The following CNTNAP5 variants were observed in gnomAD, a reference collection of about 807,000 sequenced individuals.
The protein encoded by CNTNAP5 is contactin-associated protein-like 5.
CNTNAP5 carries 72 observed loss-of-function variants against 150.2 expected under a neutral mutation model. That is an observed-to-expected ratio of 0.48 (90% confidence interval 0.40 to 0.58). The LOEUF is 0.58. CNTNAP5 is among the 20% of genes least tolerant of loss of function. The probability of loss-of-function intolerance (pLI) is 0.00; values close to 1 mark genes in which losing one functional copy is unlikely to be tolerated. For missense variants in CNTNAP5, 1,636 were observed against 1,626.2 expected (o/e 1.01, Z -0.10); for synonymous variants, 672 against 619.8 (o/e 1.08, Z -1.25).
chr2:124,075,804 A>G (rs1682423015), intron 1 of CNTNAP5, among the ~76,000 whole-genome samples: 1 of 152,176 alleles, frequency 6.6e-6, no homozygotes. Context: ...CATGCTGTGC[A>G]TCTCTTATGT....
chr2:124,139,624 G>C (rs140284625), intron 1 of CNTNAP5, among the ~76,000 whole-genome samples: 1 of 152,188 alleles, frequency 6.6e-6, no homozygotes, highest in Admixed American at 6.5e-5. Context: ...TCCAGAGACC[G>C]GCGAAGGAGA....
intron 10 of CNTNAP5, among the ~76,000 whole-genome samples, chr2:124,559,653 T>C (rs939249646): frequency 8.5e-5 from 13 of 152,244 alleles, no homozygotes; most frequent in African/African-American, 2.9e-4. Flanking sequence ...CCCAGTTCTA[T>C]GATGGGTCTT....
At chr2:124,260,212 CACATATCT>C (rs955602976) in intron 3 of CNTNAP5, among the ~76,000 whole-genome samples, 1 of 152,090 alleles carries the variant, frequency 6.6e-6, no homozygotes, top group Non-Finnish European at 1.5e-5. Context: ...GAAATAATGC[CACATATCT>C]ACAAATCTCT....
intron 4 of CNTNAP5, among the ~76,000 whole-genome samples, chr2:124,419,153 A>AAAAAAAAAAAAAAAAAAAAAAAAAAAAC (rs1553466545): frequency 3.9e-5 from 3 of 76,392 alleles, no homozygotes; most frequent in Non-Finnish European, 5.3e-5. Context: ...AAAAAAAAAA[A>AAAAAAAAAAAAAAAAAAAAAAAAAAAAC]AAAAAAAAAA....
chr2:124,678,039 C>A (rs931020533), intron 13 of CNTNAP5, among the ~76,000 whole-genome samples: 10 of 151,832 alleles, frequency 6.6e-5, no homozygotes, highest in African/African-American at 2.4e-4. Flanking sequence ...TAAGTCTCTG[C>A]CTTTTTGTTT....
At chr2:124,153,603 CTTTTTTTTTT>C (rs948493792) in intron 1 of CNTNAP5, among the ~76,000 whole-genome samples, 5 of 85,096 alleles carry the variant, frequency 5.9e-5, no homozygotes, top group East Asian at 3.8e-4. Context: ...CCCCCCGGGA[CTTTTTTTTTT>C]TTTTTTTTTT....
At chr2:124,386,097 C>T (rs550544942) in intron 3 of CNTNAP5, among the ~76,000 whole-genome samples, 19 of 152,262 alleles carry the variant, frequency 1.2e-4, no homozygotes, top group African/African-American at 3.6e-4. Context: ...AGCTGCATTT[C>T]CTGTGGAGTG....
chr2:124,071,336 A>G (rs1246681585), intron 1 of CNTNAP5, among the ~76,000 whole-genome samples: 1 of 151,948 alleles, frequency 6.6e-6, no homozygotes, highest in African/African-American at 2.4e-5. Context: ...AAATTAGTAA[A>G]ATAAATAATA....
At chr2:124,315,783 TC>T (rs1268244896) in intron 3 of CNTNAP5, among the ~76,000 whole-genome samples, 2 of 152,196 alleles carry the variant, frequency 1.3e-5, no homozygotes, top group African/African-American at 4.8e-5. Context: ...TTGAAAAAAA[TC>T]TACCCCTCAT....
intron 1 of CNTNAP5, among the ~76,000 whole-genome samples, chr2:124,215,483 A>T (rs1488646298): frequency 6.6e-6 from 1 of 152,212 alleles, no homozygotes; most frequent in Non-Finnish European, 1.5e-5. Flanking sequence ...GAAGACCTTC[A>T]GTATTTAACT....
At chr2:124,402,342 G>A (rs769808441) in intron 3 of CNTNAP5, among the ~76,000 whole-genome samples, 1 of 152,142 alleles carries the variant, frequency 6.6e-6, no homozygotes, top group Non-Finnish European at 1.5e-5. Context: ...TACTGCCAGA[G>A]ACAGAGGCAT....
intron 2 of CNTNAP5, among the ~76,000 whole-genome samples, chr2:124,241,232 T>A (rs997512865): frequency 2.6e-5 from 4 of 152,182 alleles, no homozygotes; most frequent in Non-Finnish European, 5.9e-5. Context: ...CTCACATTGA[T>A]CTTCTGCAAA....
intron 21 of CNTNAP5, among the ~76,000 whole-genome samples, chr2:124,897,973 GT>G: frequency 7.9e-6 from 1 of 126,430 alleles, no homozygotes; most frequent in East Asian, 2.0e-4. Flanking sequence ...GTGTGTGTGT[GT>G]GTGTATGTGT....
At chr2:124,407,123 GT>G (rs1340055689) in intron 3 of CNTNAP5, among the ~76,000 whole-genome samples, 2 of 152,068 alleles carry the variant, frequency 1.3e-5, no homozygotes, top group Admixed American at 1.3e-4. Flanking sequence ...TATCTTTGCT[GT>G]TGTAAGTAGT....
At chr2:124,213,324 C>A (rs948420127) in intron 1 of CNTNAP5, among the ~76,000 whole-genome samples, 16 of 152,038 alleles carry the variant, frequency 1.1e-4, no homozygotes, top group East Asian at 3.9e-4. Flanking sequence ...ATGGAAAAGA[C>A]CATTGCAAAA....
At chr2:124,034,092 C>T (rs1311215025) in intron 1 of CNTNAP5, among the ~76,000 whole-genome samples, 1 of 152,078 alleles carries the variant, frequency 6.6e-6, no homozygotes, top group Non-Finnish European at 1.5e-5. Context: ...GCCAAAAGTA[C>T]AGTAGATGGC....
At chr2:124,513,577 C>T (rs146920307) in intron 8 of CNTNAP5, among the ~76,000 whole-genome samples, 15 of 152,134 alleles carry the variant, frequency 9.9e-5, no homozygotes, top group African/African-American at 2.2e-4. Flanking sequence ...ATTTGCCACA[C>T]GCATGAATAC....
At chr2:124,599,873 G>A (rs965047848) in intron 11 of CNTNAP5, among the ~76,000 whole-genome samples, 1 of 151,506 alleles carries the variant, frequency 6.6e-6, no homozygotes, top group Non-Finnish European at 1.5e-5. Context: ...TTTTTTATAG[G>A]AACAGGTCGA....
chr2:124,336,717 T>C (rs950937430), intron 3 of CNTNAP5, among the ~76,000 whole-genome samples: 1 of 152,140 alleles, frequency 6.6e-6, no homozygotes, highest in African/African-American at 2.4e-5. Context: ...TCATTTTTTA[T>C]GGCTGCATAG....
Sources: gnomAD v4.1 joint callset for allele counts (sites outside exome capture counted in the v4.1 genomes callset) on GRCh38, gnomAD v4.1.1 for gene constraint, MANE v1.5 for transcripts, NCBI Gene and HGNC (gene_info 2026-07-23, HGNC 2026-07-21) for gene names.